Variants in OSTN observed in about 807,000 individuals in gnomAD.
OSTN encodes the protein osteocrin.
A neutral mutation model predicts 12.0 loss-of-function variants in OSTN; 9 were observed. That is an observed-to-expected ratio of 0.75 (90% CI 0.45 to 1.30). The LOEUF (loss-of-function observed/expected upper bound fraction) is 1.30. OSTN is among the 50% of genes most tolerant of loss of function. The probability of loss-of-function intolerance (pLI) is 0.00; values close to 1 mark genes in which losing one functional copy is unlikely to be tolerated. For synonymous variants in OSTN, 59 were observed against 56.9 expected, an observed-to-expected ratio of 1.04 and a Z score of -0.16; for missense variants, 148 against 152.3, an observed-to-expected ratio of 0.97 and a Z score of 0.15.
intron 3 of OSTN, among the ~76,000 whole-genome samples, chr3:191,239,783 T>C (rs1005957537): frequency 3.3e-5 from 5 of 152,218 alleles, no homozygotes; most frequent in Admixed American, 6.5e-5. Flanking sequence ...AGGAAAAAAA[T>C]TGGCTTTTGC....
chr3:191,213,876 C>T (rs1714530996), intron 2 of OSTN, among the ~76,000 whole-genome samples: 1 of 151,788 alleles, frequency 6.6e-6, no homozygotes, highest in Non-Finnish European at 1.5e-5. Context: ...ATAAAAAATT[C>T]TTTACCCTTT....
In OSTN at chr3:191,263,710, T is replaced by G. The variant is rs1715860133; in HGVS notation, c.*857T>G. 6.6e-6 allele frequency: 1 copy of G among 152,150 alleles called. No individual in the cohort carries two copies. Among genetic ancestry groups the G allele is most frequent in the Non-Finnish European group, 1.5e-5 (1 of 68,004 alleles). 9.4% of individuals were successfully genotyped at this position (152,150 alleles called of 1,614,324 possible). A position where few individuals can be genotyped will look rare whatever the true frequency, so the allele number is the denominator to read the frequency against. ...ATCTTGGATTAATCTAAGAAACTGTTTACTGTGTTTCACATATTGGCTTCT... is the reference window on the plus strand; with the variant it reads ...ATCTTGGATTAATCTAAGAAACTGTGTACTGTGTTTCACATATTGGCTTCT... On this transcript the variant is annotated 3_prime_UTR_variant, in exon 5 of 5. Coordinates refer to ENST00000682035, the MANE Select transcript of OSTN (RefSeq NM_198184.2).
At chr3:191,230,040 T>C (rs1250325454) in intron 3 of OSTN, 1 of 149,664 alleles carries the variant, frequency 6.7e-6, no homozygotes, top group African/African-American at 2.5e-5. Context: ...CACTCCAGCC[T>C]GGGCAACAGA....
chr3:191,243,869 T>C (rs16866360), intron 3 of OSTN, among the ~76,000 whole-genome samples: 37,258 of 151,996 alleles, frequency 0.25, 5,457 homozygotes, highest in East Asian at 0.38. Context: ...TTAAGTACAA[T>C]TCTGGAACTA....
chr3:191,207,532 A>C (rs1174293545), intron 1 of OSTN, among the ~76,000 whole-genome samples: 1 of 152,188 alleles, frequency 6.6e-6, no homozygotes, highest in Non-Finnish European at 1.5e-5. Context: ...ATCTCATAGA[A>C]GTTTGCTCTT....
chr3:191,259,130 C>T (rs1560126939), intron 4 of OSTN, among the ~76,000 whole-genome samples: 1 of 151,976 alleles, frequency 6.6e-6, no homozygotes, highest in Non-Finnish European at 1.5e-5. Flanking sequence ...TAGACCTTTT[C>T]CTGTGGTACC....
intron 1 of OSTN, among the ~76,000 whole-genome samples, chr3:191,209,932 CCT>C (rs1714374533): frequency 3.9e-5 from 6 of 152,296 alleles, no homozygotes; most frequent in Admixed American, 3.9e-4. Context: ...CAGGGTCTTC[CCT>C]CTCTGTCAGT....
intron 3 of OSTN, among the ~76,000 whole-genome samples, chr3:191,242,049 CAATAT>C (rs1715333207): frequency 6.6e-6 from 1 of 151,846 alleles, no homozygotes; most frequent in African/African-American, 2.4e-5. Context: ...CACAAAAATA[CAATAT>C]AAGCTTAATT....
chr3:191,229,753 G>A (rs1715002239), intron 3 of OSTN: 1 of 152,058 alleles, frequency 6.6e-6, no homozygotes, highest in African/African-American at 2.4e-5. Context: ...ACAAATAAAA[G>A]AGAAATAATT....
At chr3:191,255,821 A>G (rs6794535) in intron 4 of OSTN, among the ~76,000 whole-genome samples, 33,784 of 151,738 alleles carry the variant, frequency 0.22, 8,964 homozygotes, top group African/African-American at 0.65. Flanking sequence ...AATGTAATTA[A>G]CTCTTCTTCT....
chr3:191,247,466 G>C (rs747231933), intron 3 of OSTN, among the ~76,000 whole-genome samples: 2 of 151,942 alleles, frequency 1.3e-5, no homozygotes, highest in Admixed American at 6.6e-5. Flanking sequence ...TTTTCTCACC[G>C]AATTGATCAA....
intron 4 of OSTN, among the ~76,000 whole-genome samples, chr3:191,262,553 A>G (rs1715836076): frequency 1.3e-5 from 2 of 152,244 alleles, no homozygotes; most frequent in African/African-American, 4.8e-5. Context: ...AACAAAGATT[A>G]AAAACTCAAG....
chr3:191,200,689 A>G (rs554420197), intron 1 of OSTN, among the ~76,000 whole-genome samples: 1 of 152,262 alleles, frequency 6.6e-6, no homozygotes, highest in East Asian at 1.9e-4. Flanking sequence ...TACTGAGTAT[A>G]AAAATATTTG....
chr3:191,247,242 A>ACT (rs1715454419), intron 3 of OSTN, among the ~76,000 whole-genome samples: 1 of 152,182 alleles, frequency 6.6e-6, no homozygotes, highest in Non-Finnish European at 1.5e-5. Context: ...GTTTCTTATG[A>ACT]CTCTAAACCA....
chr3:191,214,874 T>C (rs1714568153), intron 2 of OSTN, among the ~76,000 whole-genome samples: 1 of 152,004 alleles, frequency 6.6e-6, no homozygotes. Flanking sequence ...TAGCTGGGTG[T>C]GATGGTGACC....
At chr3:191,219,193 G>T (rs1314040002) in intron 3 of OSTN, among the ~76,000 whole-genome samples, 1 of 152,156 alleles carries the variant, frequency 6.6e-6, no homozygotes, top group Non-Finnish European at 1.5e-5. Flanking sequence ...TCCTAAGAAA[G>T]ATTCTGTCTT....
At chr3:191,205,982 C>T (rs1041894568) in intron 1 of OSTN, among the ~76,000 whole-genome samples, 5 of 152,032 alleles carry the variant, frequency 3.3e-5, no homozygotes, top group African/African-American at 9.7e-5. Flanking sequence ...GTCAGGAGTT[C>T]GAGAACAGCC....
At chr3:191,214,704 G>A (rs960319908) in intron 2 of OSTN, among the ~76,000 whole-genome samples, 4 of 152,122 alleles carry the variant, frequency 2.6e-5, no homozygotes, top group African/African-American at 9.7e-5. Context: ...ACAGAAAAAT[G>A]TATTAGTCCA....
rs976296365 is a variant in OSTN, at chr3:191,265,063, T to A, written c.*2210T>A. 6.6e-5 allele frequency: 10 copies of A among 152,276 alleles called. No homozygotes were observed. The East Asian group carries it at 1.9e-3, about 29-fold the overall frequency. The allele number at this position is 152,276 out of a possible 1,614,324, so 9.4% of individuals were successfully genotyped here. A position where few individuals can be genotyped will look rare whatever the true frequency, so the allele number is the denominator to read the frequency against. On this transcript the variant is annotated 3_prime_UTR_variant, in exon 5 of 5. Coordinates refer to ENST00000682035, the MANE Select transcript of OSTN (RefSeq NM_198184.2). ...ATTTTAATTTTTACCACTACTTCAT[T>A]CAGAGTAGAAAATAAGTCAGCAATA...
Sources: gnomAD v4.1 joint callset for allele counts (sites outside exome capture counted in the v4.1 genomes callset) on GRCh38, gnomAD v4.1.1 for gene constraint, MANE v1.5 for transcripts, NCBI Gene and HGNC (gene_info 2026-07-23, HGNC 2026-07-21) for gene names.